The following EFCAB13 variants were observed in gnomAD, a reference collection of about 807,000 sequenced individuals.
EFCAB13 encodes the protein EF-hand calcium binding domain 13.
A neutral mutation model predicts 110.2 loss-of-function variants in EFCAB13; 91 were observed. The observed-to-expected ratio is 0.83, with a 90% CI of 0.70 to 0.98. The LOEUF (loss-of-function observed/expected upper bound fraction) is 0.98. Ranked by LOEUF, EFCAB13 falls within the 50% of genes least tolerant of loss-of-function variation. EFCAB13 has a pLI of 0.00. For synonymous variants in EFCAB13, 323 were observed against 369.9 expected, an observed-to-expected ratio of 0.87 and a Z score of 1.45; for missense variants, 968 against 1,119.4, an observed-to-expected ratio of 0.86 and a Z score of 1.93.
At chr17:47,376,333 A>T (rs2065615189) in intron 12 of EFCAB13, among the ~76,000 whole-genome samples, 1 of 150,008 alleles carries the variant, frequency 6.7e-6, no homozygotes, top group African/African-American at 2.4e-5. Flanking sequence ...AAAAGAATTA[A>T]AACCTTGGTT....
intron 21 of EFCAB13, 86 bp from the exon 22 acceptor site, chr17:47,412,687 T>C: frequency 7.8e-7 from 1 of 1,282,250 alleles, no homozygotes; most frequent in East Asian, 2.4e-5. Flanking sequence ...AAATATTTAA[T>C]TTGAGGTTTA....
intron 9 of EFCAB13, among the ~76,000 whole-genome samples, chr17:47,349,536 C>T (rs1468220911): frequency 6.6e-6 from 1 of 152,020 alleles, no homozygotes; most frequent in East Asian, 1.9e-4. Context: ...ATTCTTTTTA[C>T]ATTCTATATA....
At chr17:47,388,973 T>C (rs950216993) in intron 14 of EFCAB13, among the ~76,000 whole-genome samples, 5 of 152,158 alleles carry the variant, frequency 3.3e-5, no homozygotes, top group Non-Finnish European at 4.4e-5. Flanking sequence ...ACTGTGGTTT[T>C]AGTTTTGCAT....
intron 8 of EFCAB13, among the ~76,000 whole-genome samples, chr17:47,346,285 T>C (rs1444252018): frequency 6.6e-6 from 1 of 152,176 alleles, no homozygotes; most frequent in Non-Finnish European, 1.5e-5. Context: ...CTTTATATAA[T>C]TGGAATTCTG....
At chr17:47,358,655 TG>T (rs978591842) in intron 9 of EFCAB13, among the ~76,000 whole-genome samples, 1 of 152,234 alleles carries the variant, frequency 6.6e-6, no homozygotes, top group African/African-American at 2.4e-5. Flanking sequence ...GGAATGGGAC[TG>T]TTACATTTTA....
At chr17:47,408,265 C>T (rs753369079) in intron 20 of EFCAB13, among the ~76,000 whole-genome samples, 15 of 152,134 alleles carry the variant, frequency 9.9e-5, no homozygotes, top group Non-Finnish European at 1.9e-4. Context: ...TTTACCTGAT[C>T]CATCTATATA....
chr17:47,414,216 C>G (rs1018502475), intron 22 of EFCAB13, among the ~76,000 whole-genome samples: 1 of 149,624 alleles, frequency 6.7e-6, no homozygotes, highest in Middle Eastern at 3.4e-3. Context: ...CATTATTGCA[C>G]CTTACTTCAC....
At chr17:47,387,291 T>G (rs2065681719) in intron 14 of EFCAB13, among the ~76,000 whole-genome samples, 1 of 152,206 alleles carries the variant, frequency 6.6e-6, no homozygotes, top group African/African-American at 2.4e-5. Flanking sequence ...TTGCAGCAGT[T>G]GGATGAAATG....
chr17:47,388,296 A>C (rs146748239), intron 14 of EFCAB13, among the ~76,000 whole-genome samples: 1 of 152,312 alleles, frequency 6.6e-6, no homozygotes, highest in Non-Finnish European at 1.5e-5. Flanking sequence ...TGAAGATTTC[A>C]GGGGGACTTT....
At chr17:47,352,641 G>A (rs960546164) in intron 9 of EFCAB13, among the ~76,000 whole-genome samples, 2 of 152,084 alleles carry the variant, frequency 1.3e-5, no homozygotes, top group Admixed American at 6.5e-5. Context: ...GTATTTTGAT[G>A]GAGATTGCAC....
intron 8 of EFCAB13, 112 bp from the exon 9 acceptor site, chr17:47,347,696 A>G (rs1314437302): frequency 1.2e-6 from 1 of 815,206 alleles, no homozygotes; most frequent in African/African-American, 1.8e-5. Flanking sequence ...TGAAAGGCTG[A>G]AAACACAGAT....
intron 23 of EFCAB13, among the ~76,000 whole-genome samples, chr17:47,421,491 G>A (rs551403388): frequency 1.9e-4 from 29 of 151,760 alleles, no homozygotes; most frequent in Admixed American, 7.9e-4. Flanking sequence ...CAAACACTGC[G>A]GAAGGCCGCA....
chr17:47,344,144 A>G lies in EFCAB13; in HGVS notation c.304-18A>G. On this transcript the variant is annotated intron_variant, in intron 6 of 24. Coordinates refer to ENST00000331493, the MANE Select transcript of EFCAB13 (RefSeq NM_152347.5). Reference sequence around the variant, plus strand: ...TGTCACTCACCTCAGGCACCAACATACTTGCATTTGGCTCTAGATTATCCC... The same window carrying G: ...TGTCACTCACCTCAGGCACCAACATGCTTGCATTTGGCTCTAGATTATCCC... The G allele has an allele frequency of 6.2e-7, 1 of 1,609,366 alleles. No homozygotes were observed. Among genetic ancestry groups the G allele is most frequent in the Non-Finnish European group, 8.5e-7 (1 of 1,177,512 alleles).
rs1555578789 is a variant in EFCAB13, at chr17:47,351,317, G to GCGCGCGCA, written c.661+3373_661+3374insACGCGCGC. ...TGTGTGTGTGTGTGCGCGCGCGCGC[G>GCGCGCGCA]CGCGCGCGCGCCACGTTTTCTTTAT... On this transcript the variant is annotated intron_variant, in intron 9 of 24. Transcript: ENST00000331493. 2.8e-3 allele frequency among the ~76,000 whole-genome samples: 320 copies of GCGCGCGCA among 113,920 alleles called. 1 individual carries two copies. Among genetic ancestry groups the GCGCGCGCA allele is most frequent in the Admixed American group, 7.0e-3 (68 of 9,748 alleles). The allele number at this position is 113,920 out of a possible 152,430, so 74.7% of individuals were successfully genotyped here.
At chr17:47,327,687 C>T (rs2065294639) in intron 3 of EFCAB13, among the ~76,000 whole-genome samples, 1 of 152,200 alleles carries the variant, frequency 6.6e-6, no homozygotes, top group South Asian at 2.1e-4. Context: ...AATCTCTTGA[C>T]CTCATGATCC....
chr17:47,354,136 C>G (rs1281021149), intron 9 of EFCAB13, among the ~76,000 whole-genome samples: 3 of 152,086 alleles, frequency 2.0e-5, no homozygotes, highest in Non-Finnish European at 4.4e-5. Flanking sequence ...ATTGTTGACC[C>G]AGTGATTATT....
chr17:47,409,659 AG>A lies in EFCAB13; in HGVS notation c.2248del (p.Ala750LeufsTer4). ...TCTAAATTTGCAGATTTCAGGAAAG[AG>A]GCTTCAAATCTAAAATTACCAAAGG... ...KFSNYIDFRK[E>X]ASNLKLPKVN... is the part of the protein sequence containing the mutation. On this transcript the variant is annotated frameshift_variant, in exon 21 of 25. Transcript: ENST00000331493. LOFTEE classifies it high-confidence loss of function. The A allele has an allele frequency of 6.2e-7, 1 of 1,611,422 alleles. No homozygotes were observed. Among genetic ancestry groups the A allele is most frequent in the Non-Finnish European group, 8.5e-7 (1 of 1,177,786 alleles).
At chr17:47,385,013 C>T (rs907598714) in intron 14 of EFCAB13, among the ~76,000 whole-genome samples, 2 of 152,156 alleles carry the variant, frequency 1.3e-5, no homozygotes, top group Admixed American at 6.5e-5. Context: ...CCTTGTGATC[C>T]GCCCGCCTCG....
At chr17:47,416,299 A>G (rs2143478647) in intron 23 of EFCAB13, among the ~76,000 whole-genome samples, 1 of 152,260 alleles carries the variant, frequency 6.6e-6, no homozygotes, top group Middle Eastern at 3.4e-3. Flanking sequence ...ACCTCTCTCC[A>G]GCTACTGACA....
Sources: gnomAD v4.1 joint callset for allele counts (sites outside exome capture counted in the v4.1 genomes callset) on GRCh38, gnomAD v4.1.1 for gene constraint, MANE v1.5 for transcripts, NCBI Gene and HGNC (gene_info 2026-07-23, HGNC 2026-07-21) for gene names.